The following MAST4 variants were observed in gnomAD, a reference collection of about 807,000 sequenced individuals.
The protein encoded by MAST4 is microtubule-associated serine/threonine-protein kinase 4.
In MAST4, 89 loss-of-function variants were observed where a neutral mutation model predicts 162.7. That is an observed-to-expected ratio of 0.55 (90% CI 0.46 to 0.65). The LOEUF (loss-of-function observed/expected upper bound fraction) is 0.65. Ranked by LOEUF, MAST4 falls within the 30% of genes least tolerant of loss-of-function variation. The probability of loss-of-function intolerance (pLI) is 0.00; values close to 1 mark genes in which losing one functional copy is unlikely to be tolerated. For missense variants in MAST4, 3,153 were observed against 3,374.0 expected (o/e 0.93, Z 1.62); for synonymous variants, 1,479 against 1,361.1 (o/e 1.09, Z -1.91).
At chr5:67,162,518 G>A (rs1331099628) in intron 27 of MAST4, 89 bp from the exon 28 acceptor site, 24 of 1,189,370 alleles carry the variant, frequency 2.0e-5, no homozygotes, top group South Asian at 9.8e-5. Context: ...TCCCTCACAC[G>A]GAGTTATTGA....
At chr5:67,114,043 A>C in intron 11 of MAST4, 44 bp from the exon 12 acceptor site, 1 of 1,610,310 alleles carries the variant, frequency 6.2e-7, no homozygotes, top group East Asian at 2.2e-5. Context: ...ACCTCAGACA[A>C]TTTTGGCTCA....
At chr5:66,601,780 T>C (rs1232209494) in intron 1 of MAST4, among the ~76,000 whole-genome samples, 1 of 152,124 alleles carries the variant, frequency 6.6e-6, no homozygotes, top group Non-Finnish European at 1.5e-5. Flanking sequence ...CTAGAGGCAA[T>C]GGGAGCCATT....
chr5:66,919,959 TCCTTCCTTCCTTCCTTCTTTCTC>T (rs1561446253), intron 4 of MAST4, among the ~76,000 whole-genome samples: 17 of 113,104 alleles, frequency 1.5e-4, no homozygotes, highest in African/African-American at 5.9e-4. Context: ...CTTCCTTCCT[TCCTTCCTTCCTTCCTTCTTTCTC>T]TCTCTCTCTC....
intron 4 of MAST4, among the ~76,000 whole-genome samples, chr5:67,006,477 G>A (rs192269788): frequency 3.0e-4 from 46 of 152,324 alleles, no homozygotes; most frequent in Middle Eastern, 3.4e-3. Context: ...CTAGGCCACT[G>A]CTCAACATGG....
At chr5:67,039,987 G>GTA (rs1191056002) in intron 4 of MAST4, among the ~76,000 whole-genome samples, 17 of 150,208 alleles carry the variant, frequency 1.1e-4, no homozygotes, top group Admixed American at 2.7e-4. Flanking sequence ...ATATGTGTGT[G>GTA]TATATATATA....
chr5:66,920,486 T>A lies in MAST4; in HGVS notation c.674+20504T>A, dbSNP rs1764459519. Among the ~76,000 whole-genome samples, 3 of 152,226 alleles carry A rather than the reference T, an allele frequency of 2.0e-5. No homozygotes were observed. In the South Asian group the frequency reaches 6.2e-4, roughly 31 times the overall value. On this transcript the variant is annotated intron_variant, in intron 4 of 28. Transcript: ENST00000403625. The stretch of plus-strand genomic sequence containing the variant: ...ATAAGATTAACACTTGTTTCTTTTA[T>A]AATACTTGCATTTAAGTGTTATTAA...
chr5:66,718,027 A>G (rs1236470319), intron 1 of MAST4, among the ~76,000 whole-genome samples: 1 of 151,906 alleles, frequency 6.6e-6, no homozygotes, highest in Non-Finnish European at 1.5e-5. Flanking sequence ...CTGTGACAGT[A>G]TTTTGTTGCT....
intron 3 of MAST4, among the ~76,000 whole-genome samples, chr5:66,795,576 G>A (rs946848318): frequency 6.6e-6 from 1 of 152,264 alleles, no homozygotes; most frequent in African/African-American, 2.4e-5. Flanking sequence ...AACTTAGTTG[G>A]TTTGGTTATA....
intron 4 of MAST4, among the ~76,000 whole-genome samples, chr5:66,909,609 C>A (rs1763609844): frequency 6.6e-6 from 1 of 152,104 alleles, no homozygotes; most frequent in African/African-American, 2.4e-5. Context: ...AAACCATGAC[C>A]AAAATTTAGG....
intron 4 of MAST4, among the ~76,000 whole-genome samples, chr5:67,027,494 T>C (rs1174472907): frequency 2.0e-5 from 3 of 152,190 alleles, no homozygotes; most frequent in Admixed American, 6.5e-5. Context: ...GTCTTAGACA[T>C]GGTTCCTGAA....
intron 7 of MAST4, among the ~76,000 whole-genome samples, chr5:67,099,885 A>G (rs1216548351): frequency 2.0e-5 from 3 of 152,156 alleles, no homozygotes; most frequent in African/African-American, 7.2e-5. Context: ...AGAAAATTCA[A>G]TTCCAGATTT....
chr5:66,995,694 C>A (rs534056846), intron 4 of MAST4, among the ~76,000 whole-genome samples: 7 of 152,180 alleles, frequency 4.6e-5, no homozygotes, highest in African/African-American at 1.7e-4. Context: ...AGCCACCATG[C>A]CCAGACGAAA....
chr5:67,143,277 CAAA>C (rs11284037), intron 21 of MAST4, among the ~76,000 whole-genome samples: 2 of 139,264 alleles, frequency 1.4e-5, no homozygotes, highest in Admixed American at 7.1e-5. Flanking sequence ...AAAAAAAAGC[CAAA>C]AAAAAAAAAA....
intron 2 of MAST4, 63 bp from the exon 3 acceptor site, chr5:66,788,607 C>CCCACAAAAAAAAAAAAAAA: frequency 7.3e-7 from 1 of 1,373,726 alleles, no homozygotes; most frequent in Non-Finnish European, 1.0e-6. Flanking sequence ...CCCCCACCCC[C>CCCACAAAAAAAAAAAAAAA]ATTGCAATAA....
At chr5:66,886,684 T>A (rs1762061375) in intron 3 of MAST4, among the ~76,000 whole-genome samples, 1 of 148,430 alleles carries the variant, frequency 6.7e-6, no homozygotes, top group Admixed American at 6.8e-5. Flanking sequence ...TCCAATATGA[T>A]CTAGTATGCT....
chr5:66,813,695 C>T (rs1488360180), intron 3 of MAST4, among the ~76,000 whole-genome samples: 9 of 152,302 alleles, frequency 5.9e-5, no homozygotes, highest in African/African-American at 2.2e-4. Context: ...CTGCTAATTA[C>T]ATGGCATTGA....
intron 2 of MAST4, among the ~76,000 whole-genome samples, chr5:66,767,530 A>G (rs143045100): frequency 6.6e-6 from 1 of 152,212 alleles, no homozygotes; most frequent in African/African-American, 2.4e-5. Context: ...GGATGGGACA[A>G]TGTAGTCACT....
chr5:66,990,857 C>A (rs1749997493), intron 4 of MAST4, among the ~76,000 whole-genome samples: 2 of 152,028 alleles, frequency 1.3e-5, no homozygotes, highest in Non-Finnish European at 2.9e-5. Context: ...TTTGGGGAAA[C>A]AGATATAGTT....
intron 4 of MAST4, among the ~76,000 whole-genome samples, chr5:67,009,043 T>G (rs1338349079): frequency 1.3e-5 from 2 of 152,156 alleles, no homozygotes; most frequent in African/African-American, 4.8e-5. Flanking sequence ...AAATCCCAAT[T>G]AACTCCACAT....
Sources: allele counts gnomAD v4.1 joint callset (sites outside exome capture counted in the v4.1 genomes callset), GRCh38; gene constraint gnomAD v4.1.1; transcripts MANE v1.5; gene names NCBI Gene and HGNC (gene_info 2026-07-23, HGNC 2026-07-21).